Variants in RBFOX1 observed in about 807,000 individuals in gnomAD.
RBFOX1 encodes the protein RNA binding protein fox-1 homolog 1.
Under a neutral mutation model 57.7 loss-of-function variants are expected in RBFOX1, and 8 were observed. That is an observed-to-expected ratio of 0.14 (90% confidence interval 0.08 to 0.25). RBFOX1 has a LOEUF of 0.25. RBFOX1 is among the 10% of genes least tolerant of loss of function. The pLI is 1.00. For synonymous variants in RBFOX1, 326 were observed against 222.4 expected, an observed-to-expected ratio of 1.47 and a Z score of -4.15; for missense variants, 611 against 548.5, an observed-to-expected ratio of 1.11 and a Z score of -1.14.
intron 3 of RBFOX1, among the ~76,000 whole-genome samples, chr16:5,822,960 T>C (rs2055908146): frequency 6.6e-6 from 1 of 152,246 alleles, no homozygotes; most frequent in African/African-American, 2.4e-5. Flanking sequence ...AATTTGAGGC[T>C]GGTTGCTTCA....
chr16:6,544,542 C>G (rs2096868803), intron 2 of RBFOX1, among the ~76,000 whole-genome samples: 1 of 152,140 alleles, frequency 6.6e-6, no homozygotes, highest in Non-Finnish European at 1.5e-5. Flanking sequence ...TGATTATATG[C>G]AACTCTTGGT....
At chr16:6,847,031 C>G (rs1160519550) in intron 3 of RBFOX1, among the ~76,000 whole-genome samples, 1 of 152,124 alleles carries the variant, frequency 6.6e-6, no homozygotes, top group South Asian at 2.1e-4. Context: ...AATCCCACAG[C>G]TGCAAAATAG....
intron 4 of RBFOX1, among the ~76,000 whole-genome samples, chr16:7,205,773 C>T (rs1450324208): frequency 2.6e-5 from 4 of 152,182 alleles, no homozygotes; most frequent in African/African-American, 7.2e-5. Context: ...AAAGTGAGTG[C>T]AGGGACTGCA....
rs1555523982 is a variant in RBFOX1 at position 5,454,744 on chromosome 16, T to TTTTCTTTCTTTCC, written c.220-12469_220-12468insCTTTCTTTCCTTT. Among the ~76,000 whole-genome samples, 308 of 118,776 alleles carry TTTTCTTTCTTTCC rather than the reference T, an allele frequency of 2.6e-3. 3 individuals are homozygous for TTTTCTTTCTTTCC. The highest frequency in any genetic ancestry group is 6.3e-3 in the African/African-American group (187 of 29,560). 77.9% of individuals were successfully genotyped at this position (118,776 alleles called of 152,430 possible). Reference sequence around the variant, plus strand: ...TAAAATCTCTCTCTTTCTTTCTTTCTTTTTCTTTTCTTTTCTTTCTTTCTC... The same window carrying TTTTCTTTCTTTCC: ...TAAAATCTCTCTCTTTCTTTCTTTCTTTTCTTTCTTTCCTTTTCTTTTCTTTTCTTTCTTTCTC... On this transcript the variant is annotated intron_variant, in intron 1 of 2. Coordinates refer to the RBFOX1 transcript ENST00000585867.
intron 1 of RBFOX1, among the ~76,000 whole-genome samples, chr16:5,415,776 G>A (rs1428275224): frequency 6.6e-6 from 1 of 152,194 alleles, no homozygotes; most frequent in South Asian, 2.1e-4. Flanking sequence ...TGTAAATGTG[G>A]TATGGATATA....
intron 11 of RBFOX1, among the ~76,000 whole-genome samples, chr16:7,632,753 A>G (rs1288211328): frequency 1.3e-5 from 2 of 152,250 alleles, no homozygotes; most frequent in African/African-American, 2.4e-5. Flanking sequence ...GCTATCCAGC[A>G]TAGTGCTGAT....
intron 2 of RBFOX1, among the ~76,000 whole-genome samples, chr16:6,349,685 A>C (rs2152842086): frequency 6.6e-6 from 1 of 152,348 alleles, no homozygotes; most frequent in East Asian, 1.9e-4. Flanking sequence ...TGGCATTAAC[A>C]ATGGGAGCTA....
At chr16:5,535,655 C>T (rs528260614) in intron 2 of RBFOX1, among the ~76,000 whole-genome samples, 9 of 152,270 alleles carry the variant, frequency 5.9e-5, no homozygotes, top group South Asian at 2.1e-4. Flanking sequence ...TGATTTGTTT[C>T]GGTCTGTTTC....
In RBFOX1 at chr16:7,461,597, C is replaced by T. The variant is rs553690139; in HGVS notation, c.28-56550C>T. On this transcript the variant is annotated intron_variant, in intron 4 of 15. Transcript: ENST00000550418. ...TGACATTCAGCTCTACGCAGTATTC[C>T]AGGTCATTTGTGTGTCTGTTTTTGC... Among the ~76,000 whole-genome samples the T allele has an allele frequency of 1.6e-4, 25 of 152,242 alleles. No homozygotes were observed. In the East Asian group the frequency reaches 4.3e-3, roughly 26 times the overall value.
chr16:5,606,859 G>C (rs1012010151), intron 3 of RBFOX1, among the ~76,000 whole-genome samples: 4 of 152,158 alleles, frequency 2.6e-5, no homozygotes, highest in Non-Finnish European at 5.9e-5. Context: ...GCATGAACTT[G>C]GGTCTGTTAT....
chr16:7,179,328 C>A (rs1336520955), intron 4 of RBFOX1, among the ~76,000 whole-genome samples: 1 of 152,006 alleles, frequency 6.6e-6, no homozygotes, highest in African/African-American at 2.4e-5. Flanking sequence ...TCTCAAAGCA[C>A]CGCTTTCCCC....
At chr16:5,771,807 G>A (rs1597187250) in intron 3 of RBFOX1, among the ~76,000 whole-genome samples, 2 of 152,236 alleles carry the variant, frequency 1.3e-5, no homozygotes, top group Non-Finnish European at 2.9e-5. Flanking sequence ...GTGTGTGCAT[G>A]TGTAGTGTTT....
intron 1 of RBFOX1, among the ~76,000 whole-genome samples, chr16:6,205,494 T>C (rs2097249179): frequency 6.6e-6 from 1 of 152,216 alleles, no homozygotes; most frequent in Admixed American, 6.5e-5. Context: ...TGTTTATAAA[T>C]ATGTATGCAC....
intron 1 of RBFOX1, among the ~76,000 whole-genome samples, chr16:6,243,137 C>CCTGTGT (rs1555572839): frequency 6.7e-6 from 1 of 150,326 alleles, no homozygotes; most frequent in African/African-American, 2.5e-5. Flanking sequence ...GATATTTATA[C>CCTGTGT]GTGTGTCTGT....
chr16:7,349,316 G>C (rs192714613), intron 4 of RBFOX1, among the ~76,000 whole-genome samples: 1 of 152,074 alleles, frequency 6.6e-6, no homozygotes, highest in African/African-American at 2.4e-5. Context: ...CAAACCAAAC[G>C]CATGTCTAAG....
At chr16:6,831,120 A>G (rs894598240) in intron 3 of RBFOX1, among the ~76,000 whole-genome samples, 1 of 152,172 alleles carries the variant, frequency 6.6e-6, no homozygotes, top group Non-Finnish European at 1.5e-5. Context: ...CATTATCACT[A>G]AGGTTCATTT....
intron 3 of RBFOX1, among the ~76,000 whole-genome samples, chr16:5,690,494 G>C (rs1276461099): frequency 6.6e-6 from 1 of 152,068 alleles, no homozygotes; most frequent in Non-Finnish European, 1.5e-5. Flanking sequence ...TAACGCTCTT[G>C]GCATAACGCC....
intron 2 of RBFOX1, among the ~76,000 whole-genome samples, chr16:6,610,727 C>T (rs995487567): frequency 6.6e-6 from 1 of 152,180 alleles, no homozygotes; most frequent in South Asian, 2.1e-4. Flanking sequence ...TGTTACTCAG[C>T]AGCTTCCGCC....
chr16:5,305,404 A>G (rs995411887), intron 1 of RBFOX1, among the ~76,000 whole-genome samples: 1 of 152,040 alleles, frequency 6.6e-6, no homozygotes, highest in African/African-American at 2.4e-5. Flanking sequence ...TCTACAGAGG[A>G]TGACTGAGGA....
Sources: gnomAD v4.1 joint callset for allele counts (sites outside exome capture counted in the v4.1 genomes callset) on GRCh38, gnomAD v4.1.1 for gene constraint, MANE v1.5 for transcripts, NCBI Gene and HGNC (gene_info 2026-07-23, HGNC 2026-07-21) for gene names.